Variants in DOCK2 observed in about 807,000 individuals in gnomAD.
DOCK2 encodes dedicator of cytokinesis 2.
Under a neutral mutation model 248.9 loss-of-function variants are expected in DOCK2, and 87 were observed. The observed-to-expected ratio is 0.35, with a 90% CI of 0.29 to 0.42. DOCK2 has a LOEUF of 0.42. DOCK2 is among the 10% of genes least tolerant of loss of function. The probability of loss-of-function intolerance (pLI) is 1.00; values close to 1 mark genes in which losing one functional copy is unlikely to be tolerated. For synonymous variants in DOCK2, 805 were observed against 821.6 expected (o/e 0.98, Z 0.35); for missense variants, 1,747 against 2,300.2 (o/e 0.76, Z 4.92).
Position 170,036,529 on chromosome 5 carries a change from T to C in DOCK2, c.3639T>C (p.Asp1213=), listed in dbSNP as rs1490189866. 6.2e-7 allele frequency: 1 copy of C among 1,613,174 alleles called. No homozygotes were observed. The highest frequency in any genetic ancestry group is 8.5e-7 in the Non-Finnish European group (1 of 1,179,588). Residue 1213 remains aspartate (D), a synonymous_variant, in exon 36 of 52, where the codon GAT becomes GAC. Transcript: ENST00000520908. ...CCCCTACCTAGAATTTCTACAAAGA[T>C]AACAACAGGGAGGAGATGTACATAA... ...CTVNLLNFYK[D]NNREEMYIRY... is the part of the protein sequence containing the mutation.
chr5:169,951,503 G>T (rs1776663516), intron 27 of DOCK2, among the ~76,000 whole-genome samples: 1 of 152,162 alleles, frequency 6.6e-6, no homozygotes, highest in Non-Finnish European at 1.5e-5. Context: ...GCTGTGTGCT[G>T]CCTGCTCCAT....
chr5:170,045,385 G>A (rs1408461550), intron 38 of DOCK2, among the ~76,000 whole-genome samples: 4 of 152,162 alleles, frequency 2.6e-5, no homozygotes, highest in Non-Finnish European at 5.9e-5. Flanking sequence ...ACACGAGCAC[G>A]TGGGAGGCAG....
At chr5:169,782,715 C>T (rs1447598629) in intron 25 of DOCK2, among the ~76,000 whole-genome samples, 1 of 152,116 alleles carries the variant, frequency 6.6e-6, no homozygotes, top group Non-Finnish European at 1.5e-5. Context: ...GTTTGCTTTA[C>T]CCATCCTTGC....
chr5:169,675,814 T>G (rs1238429642), intron 6 of DOCK2, among the ~76,000 whole-genome samples: 1 of 152,092 alleles, frequency 6.6e-6, no homozygotes, highest in Non-Finnish European at 1.5e-5. Flanking sequence ...ACATAAGCAC[T>G]AGGGGGAGGA....
intron 27 of DOCK2, among the ~76,000 whole-genome samples, chr5:169,966,871 T>C (rs544868997): frequency 2.0e-5 from 3 of 152,346 alleles, no homozygotes; most frequent in East Asian, 3.9e-4. Flanking sequence ...TCTAATGTTT[T>C]TGAGGAACCT....
chr5:170,032,855 G>A (rs2113835888), intron 34 of DOCK2, among the ~76,000 whole-genome samples: 1 of 152,182 alleles, frequency 6.6e-6, no homozygotes, highest in South Asian at 2.1e-4. Flanking sequence ...CCCTCCTAAG[G>A]GCCCCTGGAG....
intron 33 of DOCK2, among the ~76,000 whole-genome samples, chr5:170,024,397 C>CT (rs1276581567): frequency 1.5e-5 from 2 of 129,106 alleles, no homozygotes; most frequent in Admixed American, 1.7e-4. Context: ...GTCTTACACT[C>CT]TGTCACCCAA....
chr5:170,081,631 G>T lies in DOCK2; in HGVS notation c.5288-211G>T, dbSNP rs375595881. 24 of 596,382 alleles carry T rather than the reference G, an allele frequency of 4.0e-5. 2 individuals carry two copies. In the South Asian group the frequency reaches 4.5e-4, roughly 11 times the overall value. The allele number at this position is 596,382 out of a possible 1,614,324, so 36.9% of individuals were successfully genotyped here. On this transcript the variant is annotated intron_variant, in intron 50 of 51. Coordinates refer to ENST00000520908, the MANE Select transcript of DOCK2 (RefSeq NM_004946.3). ...CCAGGAGCCAGGAGGCTGAACCCTT[G>T]TCTGTAGGGTGGGCAATCTTCACTG...
At chr5:169,771,239 G>A (rs1343321659) in intron 25 of DOCK2, among the ~76,000 whole-genome samples, 1 of 152,098 alleles carries the variant, frequency 6.6e-6, no homozygotes, top group Non-Finnish European at 1.5e-5. Context: ...TTTGCCACTC[G>A]TGTTTTGTTT....
chr5:170,061,887 C>A (rs1194449825), intron 44 of DOCK2, among the ~76,000 whole-genome samples: 1 of 152,184 alleles, frequency 6.6e-6, no homozygotes, highest in Non-Finnish European at 1.5e-5. Context: ...ACCTTGGCCC[C>A]TCAGAGCCCC....
At chr5:169,863,733 T>A (rs1771352337) in intron 27 of DOCK2, among the ~76,000 whole-genome samples, 1 of 152,236 alleles carries the variant, frequency 6.6e-6, no homozygotes, top group South Asian at 2.1e-4. Flanking sequence ...ACCAGGGTGA[T>A]CTTGCATAAG....
intron 27 of DOCK2, among the ~76,000 whole-genome samples, chr5:169,857,558 C>G (rs1051249129): frequency 6.6e-6 from 1 of 152,100 alleles, no homozygotes; most frequent in African/African-American, 2.4e-5. Context: ...TAACATTACA[C>G]TCTCACCTCA....
chr5:169,976,610 G>A (rs985701037), intron 27 of DOCK2, among the ~76,000 whole-genome samples: 1 of 152,222 alleles, frequency 6.6e-6, no homozygotes, highest in African/African-American at 2.4e-5. Flanking sequence ...AAAATTTAAA[G>A]TGATTTCACA....
At chr5:169,881,804 C>G (rs979886873) in intron 27 of DOCK2, among the ~76,000 whole-genome samples, 1 of 152,170 alleles carries the variant, frequency 6.6e-6, no homozygotes, top group Non-Finnish European at 1.5e-5. Flanking sequence ...AGTGCTGATT[C>G]TGATTCATAC....
chr5:169,820,552 G>C (rs560979618), intron 26 of DOCK2, among the ~76,000 whole-genome samples: 46 of 147,682 alleles, frequency 3.1e-4, no homozygotes, highest in African/African-American at 1.2e-3. Context: ...ACCTGCAGCT[G>C]AGGGTCCTGA....
intron 8 of DOCK2, among the ~76,000 whole-genome samples, chr5:169,687,289 T>G (rs1342080838): frequency 6.6e-6 from 1 of 152,216 alleles, no homozygotes; most frequent in Non-Finnish European, 1.5e-5. Context: ...AATTTTTAGA[T>G]CTTACTGAAA....
At chr5:169,808,769 C>T (rs1340406467) in intron 26 of DOCK2, among the ~76,000 whole-genome samples, 1 of 151,982 alleles carries the variant, frequency 6.6e-6, no homozygotes, top group Non-Finnish European at 1.5e-5. Context: ...TGTTTCATTC[C>T]TCAAGAAAAA....
At chr5:170,013,136 T>C (rs1007970648) in intron 32 of DOCK2, among the ~76,000 whole-genome samples, 2 of 152,008 alleles carry the variant, frequency 1.3e-5, no homozygotes, top group African/African-American at 4.8e-5. Flanking sequence ...ATGTCAGGAC[T>C]GAAGGAAAGA....
chr5:170,030,784 T>C (rs568656031), intron 34 of DOCK2, among the ~76,000 whole-genome samples: 17 of 152,324 alleles, frequency 1.1e-4, no homozygotes, highest in African/African-American at 4.1e-4. Flanking sequence ...GCTAGTCATC[T>C]CAGTTCCTCC....
Sources: gnomAD v4.1 joint callset for allele counts (sites outside exome capture counted in the v4.1 genomes callset) on GRCh38, gnomAD v4.1.1 for gene constraint, MANE v1.5 for transcripts, NCBI Gene and HGNC (gene_info 2026-07-23, HGNC 2026-07-21) for gene names.